Variants in ZSCAN25 observed in about 807,000 individuals in gnomAD.
ZSCAN25 encodes the protein zinc finger and SCAN domain containing 25.
ZSCAN25 carries 27 observed loss-of-function variants against 38.7 expected under a neutral mutation model. The observed-to-expected ratio is 0.70, with a 90% CI of 0.51 to 0.96. The LOEUF is 0.96. Among genes scored for constraint, ZSCAN25 ranks in the 40% least tolerant of loss-of-function variants. ZSCAN25 has a pLI of 0.00. For missense variants in ZSCAN25, 637 were observed against 705.9 expected (o/e 0.90, Z 1.11); for synonymous variants, 273 against 277.7 (o/e 0.98, Z 0.17).
chr7:99,638,891 C>T, the ZSCAN25 span: 1 of 563,026 alleles, frequency 1.8e-6, no homozygotes, highest in East Asian at 3.0e-5. Context: ...GAGTTGTCTC[C>T]TAAGGGCAGA....
chr7:99,672,154 C>T, the ZSCAN25 span, among the ~76,000 whole-genome samples: 2 of 152,054 alleles, frequency 1.3e-5, no homozygotes, highest in African/African-American at 4.8e-5. Flanking sequence ...CAGGTTCAAG[C>T]GATTCTCCTG....
the ZSCAN25 span, chr7:99,717,466 A>G: frequency 6.2e-7 from 1 of 1,603,546 alleles, no homozygotes; most frequent in East Asian, 2.3e-5. Context: ...CTTACTTTCT[A>G]CCTGTCCCCA....
the ZSCAN25 span, among the ~76,000 whole-genome samples, chr7:99,657,120 G>T: frequency 4.7e-4 from 71 of 152,096 alleles, no homozygotes; most frequent in Non-Finnish European, 8.7e-4. Context: ...CTTGCCTTCT[G>T]CTATCTTTTG....
the ZSCAN25 span, chr7:99,652,857 G>A: frequency 3.8e-6 from 4 of 1,060,076 alleles, no homozygotes; most frequent in African/African-American, 1.6e-5. Context: ...TACTATTGAA[G>A]TATTAGAAGC....
chr7:99,679,780 C>G, the ZSCAN25 span: 1 of 1,592,188 alleles, frequency 6.3e-7, no homozygotes. Context: ...CCGATTAGCA[C>G]CCCAAGTCCA....
At chr7:99,720,566 A>C in the ZSCAN25 span, 29 of 793,996 alleles carry the variant, frequency 3.7e-5, no homozygotes, top group Non-Finnish European at 5.8e-5. Context: ...GGTATAACTC[A>C]CAGCAAGAGT....
chr7:99,714,700 C>T, the ZSCAN25 span: 1 of 1,606,880 alleles, frequency 6.2e-7, no homozygotes, highest in African/African-American at 1.3e-5. Context: ...AAAAAAAAAC[C>T]AACAGAAAAC....
chr7:99,657,843 T>A, the ZSCAN25 span, among the ~76,000 whole-genome samples: 3 of 152,134 alleles, frequency 2.0e-5, no homozygotes, highest in African/African-American at 7.2e-5. Context: ...TGTAATGGCC[T>A]TCTTTGTCTC....
At chr7:99,646,837 C>T in the ZSCAN25 span, among the ~76,000 whole-genome samples, 20 of 148,710 alleles carry the variant, frequency 1.3e-4, no homozygotes, top group South Asian at 1.5e-3. Flanking sequence ...CACACACACA[C>T]ATGCATGCTC....
chr7:99,664,437 T>C, the ZSCAN25 span, among the ~76,000 whole-genome samples: 110 of 152,328 alleles, frequency 7.2e-4, 1 homozygote, highest in African/African-American at 2.5e-3. Flanking sequence ...TTAATCATGC[T>C]GTTCAGGAAA....
chr7:99,626,109 T>C (rs1014317515), intron 7 of ZSCAN25, among the ~76,000 whole-genome samples: 19 of 152,234 alleles, frequency 1.2e-4, no homozygotes, highest in African/African-American at 3.9e-4. Context: ...CAGACCTTGT[T>C]GTCTGGGTTG....
At chr7:99,679,915 A>C in the ZSCAN25 span, 3 of 1,611,752 alleles carry the variant, frequency 1.9e-6, no homozygotes, top group Non-Finnish European at 1.7e-6. Context: ...TCCTTCTTCA[A>C]CTGTGTTCTG....
At chr7:99,674,119 A>C in the ZSCAN25 span, 1 of 156,020 alleles carries the variant, frequency 6.4e-6, no homozygotes, top group Non-Finnish European at 1.4e-5. Context: ...AAGTGTCTAC[A>C]AAAACCACAA....
intron 3 of ZSCAN25, 129 bp downstream of exon 3, chr7:99,619,261 C>A: frequency 5.0e-6 from 1 of 201,658 alleles, no homozygotes; most frequent in Non-Finnish European, 1.0e-5. Context: ...GCCCTGGTGA[C>A]TCACCCAGTT....
intron 1 of ZSCAN25, among the ~76,000 whole-genome samples, chr7:99,617,791 A>G (rs1422583741): frequency 1.3e-5 from 2 of 152,164 alleles, no homozygotes; most frequent in African/African-American, 2.4e-5. Context: ...AAGAATAGCA[A>G]TGGGGCAATT....
the ZSCAN25 span, among the ~76,000 whole-genome samples, chr7:99,668,514 T>C: frequency 1.3e-5 from 2 of 152,216 alleles, no homozygotes; most frequent in Admixed American, 6.5e-5. Context: ...AATTTGACTA[T>C]GTGATTCTCA....
At chr7:99,718,965 A>G in the ZSCAN25 span, among the ~76,000 whole-genome samples, 1 of 152,228 alleles carries the variant, frequency 6.6e-6, no homozygotes, top group Non-Finnish European at 1.5e-5. Flanking sequence ...CAGGATCTCT[A>G]TGCTGAAAAC....
At chr7:99,685,962 A>G in the ZSCAN25 span, among the ~76,000 whole-genome samples, 15 of 152,314 alleles carry the variant, frequency 9.8e-5, 1 homozygote, top group South Asian at 2.9e-3. Context: ...GTGCTCATAA[A>G]TGCATGGCAT....
rs1298691519 is a variant in ZSCAN25, at chr7:99,629,929, A to G, written c.1544A>G (p.His515Arg). ...QRIHTGEKPY[H>R]CPACGRSFNQ... is the part of the protein sequence containing the mutation. ...ATCCATACAGGGGAGAAGCCCTACC[A>G]CTGTCCTGCCTGCGGGCGAAGCTTC... The change falls in exon 8 of 8, where the codon CAC becomes CGC. Residue 515 changes from histidine (H) to arginine (R), a missense_variant. By Grantham distance (29) the His-to-Arg change is conservative. Transcript: ENST00000394152. This position sits in a 1 kb window ranked among gnomAD's most constrained non-coding sequence, Gnocchi z 5.6. The G allele has an allele frequency of 1.2e-6, 2 of 1,614,090 alleles. No individual in the cohort carries two copies. The highest frequency in any genetic ancestry group is 1.1e-5 in the South Asian group (1 of 91,082).
Sources: allele counts gnomAD v4.1 joint callset (sites outside exome capture counted in the v4.1 genomes callset), GRCh38; gene constraint gnomAD v4.1.1; non-coding constraint Gnocchi (gnomAD v3.1); transcripts MANE v1.5; gene names NCBI Gene and HGNC (gene_info 2026-07-23, HGNC 2026-07-21).